The following PPFIA2 variants were observed in gnomAD, a reference collection of about 807,000 sequenced individuals.
PPFIA2 encodes the protein PPFI scaffold protein A2.
A neutral mutation model predicts 175.5 loss-of-function variants in PPFIA2; 46 were observed. The observed-to-expected ratio is 0.26, with a 90% CI of 0.21 to 0.34. The LOEUF (loss-of-function observed/expected upper bound fraction) is 0.34, where lower values mean the gene tolerates loss of function less well. Ranked by LOEUF, PPFIA2 falls within the 10% of genes least tolerant of loss-of-function variation. The pLI is 1.00. For missense variants in PPFIA2, 1,179 were observed against 1,506.1 expected (o/e 0.78, Z 3.60); for synonymous variants, 568 against 511.4 (o/e 1.11, Z -1.49).
intron 3 of PPFIA2, among the ~76,000 whole-genome samples, chr12:81,745,362 G>C (rs2082903724): frequency 6.6e-6 from 1 of 152,244 alleles, no homozygotes; most frequent in Admixed American, 6.5e-5. Context: ...CACAGCAACT[G>C]TTTCTGACCA....
intron 3 of PPFIA2, among the ~76,000 whole-genome samples, chr12:81,751,426 T>TA (rs201994326): frequency 6.7e-6 from 1 of 148,738 alleles, no homozygotes; most frequent in African/African-American, 2.5e-5. Context: ...TTTTTTTTTT[T>TA]ACCATGCAGT....
At chr12:81,659,904 C>T (rs888344208) in intron 4 of PPFIA2, among the ~76,000 whole-genome samples, 3 of 152,014 alleles carry the variant, frequency 2.0e-5, no homozygotes, top group African/African-American at 7.3e-5. Flanking sequence ...CACCAATATT[C>T]GATATTCTGC....
intron 3 of PPFIA2, among the ~76,000 whole-genome samples, chr12:81,751,568 T>C (rs1301657629): frequency 2.0e-5 from 3 of 146,570 alleles, no homozygotes; most frequent in African/African-American, 7.5e-5. Context: ...CACACACATA[T>C]ACAGAGAGAG....
chr12:81,569,287 C>T (rs942366573), intron 4 of PPFIA2, among the ~76,000 whole-genome samples: 3 of 151,822 alleles, frequency 2.0e-5, no homozygotes, highest in African/African-American at 7.3e-5. Flanking sequence ...AACTTTATAC[C>T]ATATTGGTTC....
At chr12:81,408,770 T>TA (rs2043379546) in intron 7 of PPFIA2, among the ~76,000 whole-genome samples, 1 of 152,176 alleles carries the variant, frequency 6.6e-6, no homozygotes, top group Non-Finnish European at 1.5e-5. Flanking sequence ...CTTTGTTTTG[T>TA]AAAAATGAAT....
intron 3 of PPFIA2, among the ~76,000 whole-genome samples, chr12:81,733,296 T>A (rs1472981596): frequency 1.3e-5 from 2 of 151,622 alleles, no homozygotes; most frequent in African/African-American, 4.8e-5. Flanking sequence ...TTTCTTTGAC[T>A]CTAAAATCTT....
At chr12:81,396,164 CAG>C (rs2041097736) in intron 8 of PPFIA2, among the ~76,000 whole-genome samples, 1 of 151,918 alleles carries the variant, frequency 6.6e-6, no homozygotes, top group Non-Finnish European at 1.5e-5. Flanking sequence ...ATCATTAAAA[CAG>C]TGTGATATTT....
At chr12:81,524,700 C>A (rs1229049745) in intron 4 of PPFIA2, among the ~76,000 whole-genome samples, 3 of 152,130 alleles carry the variant, frequency 2.0e-5, no homozygotes, top group Non-Finnish European at 4.4e-5. Flanking sequence ...CAAGTTAATA[C>A]TTTTGGGGTA....
chr12:81,483,631 T>TA (rs904804964), intron 4 of PPFIA2, among the ~76,000 whole-genome samples: 17 of 151,192 alleles, frequency 1.1e-4, no homozygotes, highest in Non-Finnish European at 1.2e-4. Flanking sequence ...GTGAATAAGC[T>TA]AAAAAAAACA....
intron 7 of PPFIA2, among the ~76,000 whole-genome samples, chr12:81,407,850 A>C (rs1201671528): frequency 6.6e-6 from 1 of 152,222 alleles, no homozygotes; most frequent in Non-Finnish European, 1.5e-5. Context: ...TTGTGCATGT[A>C]GCACTCAATA....
intron 7 of PPFIA2, among the ~76,000 whole-genome samples, chr12:81,429,138 A>G (rs566723425): frequency 1.3e-5 from 2 of 152,206 alleles, no homozygotes; most frequent in South Asian, 2.1e-4. Flanking sequence ...TGTAGCATGC[A>G]TAAACATGTG....
At chr12:81,458,662 A>C (rs1220049934) in intron 4 of PPFIA2, among the ~76,000 whole-genome samples, 3 of 152,178 alleles carry the variant, frequency 2.0e-5, no homozygotes. Context: ...GGGATCAGAG[A>C]TCATATGATA....
At chr12:81,329,530 C>T (rs2055647164) in intron 21 of PPFIA2, among the ~76,000 whole-genome samples, 1 of 152,050 alleles carries the variant, frequency 6.6e-6, no homozygotes, top group Admixed American at 6.6e-5. Flanking sequence ...ACCAAAAAAT[C>T]AGTGGGACAA....
At chr12:81,309,279 G>A (rs1000710088) in intron 22 of PPFIA2, among the ~76,000 whole-genome samples, 5 of 152,100 alleles carry the variant, frequency 3.3e-5, no homozygotes, top group Non-Finnish European at 5.9e-5. Flanking sequence ...TGAGAAGCTA[G>A]TTGAAATTCT....
intron 4 of PPFIA2, among the ~76,000 whole-genome samples, chr12:81,666,677 G>A (rs2070371407): frequency 6.6e-6 from 1 of 151,848 alleles, no homozygotes. Flanking sequence ...CGAGTTACTG[G>A]GTGCAGCACA....
chr12:81,717,553 C>T (rs1433018229), intron 3 of PPFIA2, among the ~76,000 whole-genome samples: 2 of 151,658 alleles, frequency 1.3e-5, no homozygotes, highest in Non-Finnish European at 2.9e-5. Flanking sequence ...ACTATCTTCA[C>T]CCAGAAGCAT....
At chr12:81,469,763 G>A (rs1472401222) in intron 4 of PPFIA2, among the ~76,000 whole-genome samples, 3 of 152,216 alleles carry the variant, frequency 2.0e-5, no homozygotes, top group African/African-American at 7.2e-5. Flanking sequence ...AAATGCATAT[G>A]TTGAAGCCCT....
intron 28 of PPFIA2, among the ~76,000 whole-genome samples, chr12:81,276,880 A>C (rs1029274796): frequency 6.6e-6 from 1 of 152,102 alleles, no homozygotes; most frequent in East Asian, 1.9e-4. Flanking sequence ...TTCTTTAACT[A>C]TACAGTGTTA....
intron 3 of PPFIA2, among the ~76,000 whole-genome samples, chr12:81,683,578 G>A (rs1299008615): frequency 6.6e-6 from 1 of 151,896 alleles, no homozygotes; most frequent in Non-Finnish European, 1.5e-5. Context: ...CTATCTCTCT[G>A]ACTATATCTT....
Sources: allele counts gnomAD v4.1 joint callset (sites outside exome capture counted in the v4.1 genomes callset), GRCh38; gene constraint gnomAD v4.1.1; transcripts MANE v1.5; gene names NCBI Gene and HGNC (gene_info 2026-07-23, HGNC 2026-07-21).